Variants in SLC24A2 observed in about 807,000 individuals in gnomAD.
SLC24A2 encodes solute carrier family 24 member 2.
SLC24A2 carries 36 observed loss-of-function variants against 62.0 expected under a neutral mutation model. The observed-to-expected ratio is 0.58, with a 90% CI of 0.44 to 0.77. The LOEUF (loss-of-function observed/expected upper bound fraction) is 0.77, where lower values mean the gene tolerates loss of function less well. SLC24A2 is among the 30% of genes least tolerant of loss of function. SLC24A2 has a pLI of 0.00. For missense variants in SLC24A2, 846 were observed against 817.9 expected (o/e 1.03, Z -0.42); for synonymous variants, 358 against 294.0 (o/e 1.22, Z -2.23).
chr9:19,893,644 T>C, the SLC24A2 span, among the ~76,000 whole-genome samples: 2 of 152,220 alleles, frequency 1.3e-5, no homozygotes, highest in Non-Finnish European at 2.9e-5. Context: ...CTCATTTTTA[T>C]ATATAGGAGG....
the SLC24A2 span, among the ~76,000 whole-genome samples, chr9:20,136,906 T>C: frequency 6.6e-6 from 1 of 152,162 alleles, no homozygotes; most frequent in Non-Finnish European, 1.5e-5. Flanking sequence ...ACAAGGACTT[T>C]ACGCCGCATT....
chr9:20,266,740 C>T, the SLC24A2 span, among the ~76,000 whole-genome samples: 4 of 152,244 alleles, frequency 2.6e-5, no homozygotes, highest in South Asian at 4.1e-4. Flanking sequence ...TGGAGATTCA[C>T]GGTGCACTTT....
intron 2 of SLC24A2, among the ~76,000 whole-genome samples, chr9:19,637,422 A>T (rs1434526988): frequency 6.6e-6 from 1 of 152,142 alleles, no homozygotes; most frequent in Non-Finnish European, 1.5e-5. Context: ...GTTTGTTCTA[A>T]CTATTGCCCC....
At chr9:19,650,545 T>A (rs908899548) in intron 2 of SLC24A2, among the ~76,000 whole-genome samples, 1 of 152,042 alleles carries the variant, frequency 6.6e-6, no homozygotes, top group Non-Finnish European at 1.5e-5. Flanking sequence ...GAGAAACAGC[T>A]TGGGTGTGAT....
At chr9:20,274,923 G>T in the SLC24A2 span, among the ~76,000 whole-genome samples, 2 of 152,122 alleles carry the variant, frequency 1.3e-5, no homozygotes, top group East Asian at 3.9e-4. Context: ...AGCCGGAAGA[G>T]GTGACCCTTA....
the SLC24A2 span, among the ~76,000 whole-genome samples, chr9:20,001,280 G>T: frequency 6.6e-6 from 1 of 152,174 alleles, no homozygotes; most frequent in Non-Finnish European, 1.5e-5. Flanking sequence ...TTTACCTGTG[G>T]AGAGTGCTCT....
At chr9:19,516,505 C>CT (rs1586873166) in intron 10 of SLC24A2, 103 bp from the exon 11 acceptor site, 1 of 1,383,850 alleles carries the variant, frequency 7.2e-7, no homozygotes, top group Non-Finnish European at 1.0e-6. Context: ...CTCAGGAACT[C>CT]TAAACTGAAA....
At chr9:19,535,249 T>C (rs1403954930) in intron 8 of SLC24A2, among the ~76,000 whole-genome samples, 1 of 152,210 alleles carries the variant, frequency 6.6e-6, no homozygotes, top group Non-Finnish European at 1.5e-5. Context: ...ATTCTGGATA[T>C]TAGCCGTTTG....
intron 2 of SLC24A2, among the ~76,000 whole-genome samples, chr9:19,746,502 C>T (rs1821836644): frequency 6.6e-6 from 1 of 152,036 alleles, no homozygotes; most frequent in African/African-American, 2.4e-5. Flanking sequence ...ATAAAAAACT[C>T]CATTATCATA....
In SLC24A2 at chr9:19,513,578, G is replaced by C. The variant is rs1469785520; in HGVS notation, c.*2575C>G. 1 of 152,020 alleles carries C rather than the reference G, an allele frequency of 6.6e-6. No individual in the cohort carries two copies. Among genetic ancestry groups the C allele is most frequent in the African/African-American group, 2.4e-5 (1 of 41,390 alleles). 9.4% of individuals were successfully genotyped at this position (152,020 alleles called of 1,614,324 possible). A position where few individuals can be genotyped will look rare whatever the true frequency, so the allele number is the denominator to read the frequency against. On this transcript the variant is annotated 3_prime_UTR_variant, in exon 11 of 11. Transcript: ENST00000341998. ...AGTGGAGCTCCGAGACAAGCAAAGG[G>C]CACCATAGCTGCTTTGATCAGCCTT...
chr9:20,236,805 C>T, the SLC24A2 span, among the ~76,000 whole-genome samples: 1 of 152,114 alleles, frequency 6.6e-6, no homozygotes, highest in Non-Finnish European at 1.5e-5. Flanking sequence ...TAGTGGACTA[C>T]AGCAGCAAGC....
intron 2 of SLC24A2, among the ~76,000 whole-genome samples, chr9:19,654,069 A>G (rs1157550286): frequency 6.6e-6 from 1 of 152,128 alleles, no homozygotes; most frequent in Non-Finnish European, 1.5e-5. Flanking sequence ...AAGTTTCTCC[A>G]TGGCCCTTTG....
chr9:19,533,097 T>C (rs1833783187), intron 8 of SLC24A2, among the ~76,000 whole-genome samples: 1 of 152,196 alleles, frequency 6.6e-6, no homozygotes, highest in Non-Finnish European at 1.5e-5. Flanking sequence ...TGTCATACAA[T>C]TTGCATATAA....
chr9:19,738,984 G>A (rs1199962129), intron 2 of SLC24A2, among the ~76,000 whole-genome samples: 3 of 151,996 alleles, frequency 2.0e-5, no homozygotes, highest in East Asian at 1.9e-4. Context: ...AGGCATGGTG[G>A]TGCGCACCGG....
intron 4 of SLC24A2, among the ~76,000 whole-genome samples, chr9:19,613,011 T>C (rs4977230): frequency 0.67 from 101,228 of 152,072 alleles, 34,121 homozygotes; most frequent in East Asian, 0.77. Context: ...ACCAAGCTGC[T>C]CTGGGCCTTG....
At chr9:19,904,304 CCT>C in the SLC24A2 span, among the ~76,000 whole-genome samples, 3 of 152,146 alleles carry the variant, frequency 2.0e-5, no homozygotes, top group Admixed American at 6.5e-5. Flanking sequence ...AAGGCCTCTG[CCT>C]CTCTCCTCTA....
the SLC24A2 span, among the ~76,000 whole-genome samples, chr9:20,103,073 G>A: frequency 2.7e-4 from 41 of 152,264 alleles, no homozygotes; most frequent in Admixed American, 2.0e-3. Context: ...AGTGTCCTAC[G>A]CCCACGGAGT....
the SLC24A2 span, among the ~76,000 whole-genome samples, chr9:20,072,046 G>A: frequency 1.3e-5 from 2 of 152,074 alleles, no homozygotes; most frequent in Non-Finnish European, 1.5e-5. Context: ...CACCCTCCTG[G>A]CAGGTGGATG....
chr9:19,717,304 A>G (rs910923858), intron 2 of SLC24A2, among the ~76,000 whole-genome samples: 5 of 152,240 alleles, frequency 3.3e-5, no homozygotes, highest in Non-Finnish European at 4.4e-5. Flanking sequence ...TTAGATCACA[A>G]AGAGAGATAC....
Sources: allele counts gnomAD v4.1 joint callset (sites outside exome capture counted in the v4.1 genomes callset), GRCh38; gene constraint gnomAD v4.1.1; transcripts MANE v1.5; gene names NCBI Gene and HGNC (gene_info 2026-07-23, HGNC 2026-07-21).